Variants in NDUFAF2 observed in about 807,000 individuals in gnomAD.
NDUFAF2 encodes NADH dehydrogenase [ubiquinone] 1 alpha subcomplex assembly factor 2.
NDUFAF2 carries 13 observed loss-of-function variants against 22.8 expected under a neutral mutation model. The ratio of observed to expected loss-of-function variants is 0.57; its 90% confidence interval spans 0.37 to 0.91. NDUFAF2 has a LOEUF of 0.91. Ranked by LOEUF, NDUFAF2 falls within the 40% of genes least tolerant of loss-of-function variation. NDUFAF2 has a pLI of 0.01. For missense variants in NDUFAF2, 162 were observed against 195.2 expected (o/e 0.83, Z 1.01); for synonymous variants, 53 against 64.2 (o/e 0.83, Z 0.84).
chr5:61,066,127 A>G (rs543575523), intron 1 of NDUFAF2, among the ~76,000 whole-genome samples: 39 of 152,150 alleles, frequency 2.6e-4, no homozygotes, highest in African/African-American at 9.1e-4. Context: ...ATAACATAAG[A>G]TACTAAGGAA....
chr5:61,149,632 A>T (rs1741198218), intron 3 of NDUFAF2, among the ~76,000 whole-genome samples: 2 of 152,236 alleles, frequency 1.3e-5, no homozygotes, highest in Non-Finnish European at 2.9e-5. Flanking sequence ...AACAAGATAA[A>T]TAAGTAAAAT....
intron 3 of NDUFAF2, among the ~76,000 whole-genome samples, chr5:61,136,055 G>C (rs1408550108): frequency 9.4e-6 from 1 of 106,806 alleles, no homozygotes; most frequent in African/African-American, 4.3e-5. Context: ...AGGGTGGATT[G>C]CTTTTTTTCT....
intron 1 of NDUFAF2, among the ~76,000 whole-genome samples, chr5:61,042,311 G>T (rs1292812936): frequency 2.0e-5 from 3 of 151,988 alleles, no homozygotes; most frequent in African/African-American, 7.2e-5. Flanking sequence ...GTTAAAAAAA[G>T]ATATGTTCTA....
chr5:60,949,235 A>G (rs1750508249), intron 1 of NDUFAF2, among the ~76,000 whole-genome samples: 1 of 152,068 alleles, frequency 6.6e-6, no homozygotes. Flanking sequence ...AACCTCAGCA[A>G]CCACTGATTT....
chr5:61,124,024 G>T (rs1753006253), intron 3 of NDUFAF2, among the ~76,000 whole-genome samples: 1 of 152,012 alleles, frequency 6.6e-6, no homozygotes, highest in Non-Finnish European at 1.5e-5. Flanking sequence ...TTATTTTGTT[G>T]TTTATGCGTT....
At chr5:61,067,069 A>T (rs1752236786) in intron 1 of NDUFAF2, among the ~76,000 whole-genome samples, 1 of 152,278 alleles carries the variant, frequency 6.6e-6, no homozygotes, top group Non-Finnish European at 1.5e-5. Context: ...ATTCATGCTA[A>T]ATGAGTAGAT....
chr5:60,947,198 C>A (rs1227120917), intron 1 of NDUFAF2, among the ~76,000 whole-genome samples: 1 of 152,158 alleles, frequency 6.6e-6, no homozygotes. Context: ...AACTACCAAA[C>A]TGTTTTTCAA....
chr5:61,082,370 C>CTG (rs762681243), intron 2 of NDUFAF2, among the ~76,000 whole-genome samples: 2 of 152,078 alleles, frequency 1.3e-5, no homozygotes, highest in Non-Finnish European at 2.9e-5. Context: ...GAAGTTGGGA[C>CTG]TACAGACACA....
chr5:61,017,570 A>G lies in NDUFAF2; in HGVS notation c.128-55555A>G, dbSNP rs1445108951. ...ACCAGCCCGTTAGAACTGATTGGAA[A>G]TTTTGTAAACTAGTTGTTAAATATA... is the stretch of plus-strand genomic sequence containing the variant. On this transcript the variant is annotated intron_variant, in intron 1 of 3. Coordinates refer to ENST00000296597, the MANE Select transcript of NDUFAF2 (RefSeq NM_174889.5). Among the ~76,000 whole-genome samples, 3 of 152,152 alleles carry G rather than the reference A, an allele frequency of 2.0e-5. No individual in the cohort carries two copies. In the East Asian group the frequency reaches 5.8e-4, roughly 29 times the overall value.
chr5:60,955,778 A>G (rs1750607464), intron 1 of NDUFAF2, among the ~76,000 whole-genome samples: 1 of 152,154 alleles, frequency 6.6e-6, no homozygotes, highest in African/African-American at 2.4e-5. Context: ...TTTTCAGTGA[A>G]TAAGTCTTTC....
At chr5:61,024,192 T>A (rs1177173035) in intron 1 of NDUFAF2, among the ~76,000 whole-genome samples, 1 of 152,182 alleles carries the variant, frequency 6.6e-6, no homozygotes, top group Non-Finnish European at 1.5e-5. Context: ...GACTCTTAAT[T>A]TCTTTCTATT....
At chr5:61,078,303 G>A (rs1235134787) in intron 2 of NDUFAF2, among the ~76,000 whole-genome samples, 2 of 152,044 alleles carry the variant, frequency 1.3e-5, no homozygotes, top group Non-Finnish European at 2.9e-5. Flanking sequence ...AACATTTGTT[G>A]AATGAATGCA....
chr5:60,949,006 A>AT (rs542281867), intron 1 of NDUFAF2, among the ~76,000 whole-genome samples: 4 of 150,638 alleles, frequency 2.7e-5, no homozygotes, highest in African/African-American at 4.9e-5. Context: ...GTGGTATCTC[A>AT]TTTTTTTTCT....
chr5:60,993,205 A>T (rs750324597), intron 1 of NDUFAF2, among the ~76,000 whole-genome samples: 58 of 152,376 alleles, frequency 3.8e-4, no homozygotes, highest in Admixed American at 1.8e-3. Flanking sequence ...GGCTGCAGCT[A>T]GACCACACTG....
intron 1 of NDUFAF2, among the ~76,000 whole-genome samples, chr5:61,005,143 T>C (rs761006851): frequency 3.8e-4 from 58 of 152,212 alleles, no homozygotes; most frequent in Non-Finnish European, 7.4e-4. Flanking sequence ...TGTGTCCAAG[T>C]GTTCTTATTG....
intron 2 of NDUFAF2, among the ~76,000 whole-genome samples, chr5:61,093,285 C>T (rs1752595214): frequency 6.6e-6 from 1 of 152,220 alleles, no homozygotes; most frequent in South Asian, 2.1e-4. Flanking sequence ...CTCATAGACA[C>T]ACCCAGGAAC....
chr5:61,064,873 G>A, intron 1 of NDUFAF2, among the ~76,000 whole-genome samples: 1 of 149,848 alleles, frequency 6.7e-6, no homozygotes, highest in Non-Finnish European at 1.5e-5. Context: ...GAAATAATAA[G>A]ATTCAGAACA....
intron 1 of NDUFAF2, among the ~76,000 whole-genome samples, chr5:60,962,449 C>A (rs1392334497): frequency 6.6e-6 from 1 of 152,162 alleles, no homozygotes. Flanking sequence ...TAATAATTTT[C>A]TCATGAAGCT....
chr5:61,125,138 A>C (rs1018703221), intron 3 of NDUFAF2, among the ~76,000 whole-genome samples: 4 of 152,170 alleles, frequency 2.6e-5, no homozygotes, highest in Admixed American at 2.6e-4. Context: ...TTGCATGGGT[A>C]CACAGTGCCA....
Sources: gnomAD v4.1 joint callset for allele counts (sites outside exome capture counted in the v4.1 genomes callset) on GRCh38, gnomAD v4.1.1 for gene constraint, MANE v1.5 for transcripts, NCBI Gene and HGNC (gene_info 2026-07-23, HGNC 2026-07-21) for gene names.